Variants in GRIK4 observed in about 807,000 individuals in gnomAD.
GRIK4 encodes glutamate receptor ionotropic, kainate 4.
Under a neutral mutation model 104.9 loss-of-function variants are expected in GRIK4, and 40 were observed. That is an observed-to-expected ratio of 0.38 (90% confidence interval 0.30 to 0.50). The LOEUF (loss-of-function observed/expected upper bound fraction) is 0.50, where lower values mean the gene tolerates loss of function less well. GRIK4 is among the 20% of genes least tolerant of loss of function. The probability of loss-of-function intolerance (pLI) is 0.93; values close to 1 mark genes in which losing one functional copy is unlikely to be tolerated. For synonymous variants in GRIK4, 485 were observed against 524.9 expected, an observed-to-expected ratio of 0.92 and a Z score of 1.04; for missense variants, 1,047 against 1,308.1, an observed-to-expected ratio of 0.80 and a Z score of 3.08.
At chr11:120,815,270 G>A in intron 4 of GRIK4, 108 bp from the exon 5 acceptor site, 2 of 674,716 alleles carry the variant, frequency 3.0e-6, no homozygotes, top group South Asian at 1.7e-5. Context: ...GGCAGCGGGT[G>A]TGCAGAAGGT....
intron 6 of GRIK4, among the ~76,000 whole-genome samples, chr11:120,828,341 A>G (rs76871374): frequency 0.074 from 11,293 of 152,274 alleles, 482 homozygotes; most frequent in African/African-American, 0.11. Context: ...TAAAACCAAG[A>G]CTATCTTTGG....
chr11:120,756,693 A>G (rs1440220756), intron 3 of GRIK4, among the ~76,000 whole-genome samples: 1 of 152,132 alleles, frequency 6.6e-6, no homozygotes, highest in Admixed American at 6.5e-5. Context: ...CCATTGATCT[A>G]TAGGGGACAC....
At chr11:120,772,098 T>C (rs7948804) in intron 3 of GRIK4, among the ~76,000 whole-genome samples, 35,123 of 152,138 alleles carry the variant, frequency 0.23, 5,803 homozygotes, top group African/African-American at 0.47. Context: ...CAGAGCCTTG[T>C]GGGCTCAGCC....
intron 1 of GRIK4, among the ~76,000 whole-genome samples, chr11:120,516,022 G>T (rs1226485965): frequency 6.6e-6 from 1 of 152,094 alleles, no homozygotes; most frequent in Non-Finnish European, 1.5e-5. Context: ...TAGGACCCCA[G>T]CTTCTTCCCC....
At chr11:120,808,527 G>A (rs1011351162) in intron 4 of GRIK4, among the ~76,000 whole-genome samples, 3 of 152,186 alleles carry the variant, frequency 2.0e-5, no homozygotes, top group Non-Finnish European at 4.4e-5. Context: ...GAGGAGAGGC[G>A]ATGGCGGTCT....
At chr11:120,595,996 G>A (rs1169870144) in intron 1 of GRIK4, among the ~76,000 whole-genome samples, 7 of 152,248 alleles carry the variant, frequency 4.6e-5, no homozygotes, top group Non-Finnish European at 5.9e-5. Flanking sequence ...ACAGGCGTGC[G>A]CCACCACGGT....
intron 1 of GRIK4, among the ~76,000 whole-genome samples, chr11:120,529,570 C>G (rs1947901326): frequency 1.3e-5 from 2 of 152,226 alleles, no homozygotes; most frequent in South Asian, 4.1e-4. Context: ...CTTGGATAGT[C>G]ACACATGTAA....
At chr11:120,818,887 A>G (rs1161112634) in intron 5 of GRIK4, among the ~76,000 whole-genome samples, 1 of 152,212 alleles carries the variant, frequency 6.6e-6, no homozygotes, top group Non-Finnish European at 1.5e-5. Flanking sequence ...AGCTCTGGAC[A>G]CCAGGGGTGA....
At chr11:120,699,735 G>A (rs1296600257) in intron 3 of GRIK4, among the ~76,000 whole-genome samples, 1 of 152,238 alleles carries the variant, frequency 6.6e-6, no homozygotes, top group Non-Finnish European at 1.5e-5. Flanking sequence ...AAGGAAATGA[G>A]AGAAGAGCTG....
intron 9 of GRIK4, among the ~76,000 whole-genome samples, chr11:120,866,627 C>T (rs1466317649): frequency 6.6e-6 from 1 of 152,176 alleles, no homozygotes; most frequent in African/African-American, 2.4e-5. Context: ...TCTCTTGGTG[C>T]TGCCGGCGGA....
At chr11:120,828,143 A>G (rs2135557396) in intron 6 of GRIK4, among the ~76,000 whole-genome samples, 1 of 152,278 alleles carries the variant, frequency 6.6e-6, no homozygotes, top group South Asian at 2.1e-4. Context: ...CAGTCTCTAC[A>G]TCAGTCCAAT....
Position 120,549,101 on chromosome 11 carries a change from G to GT in GRIK4, c.-159+37225dup, listed in dbSNP as rs762900665. 0.02 allele frequency among the ~76,000 whole-genome samples: 3,008 copies of GT among 147,042 alleles called. 42 individuals carry two copies. The highest frequency in any genetic ancestry group is 0.033 in the Non-Finnish European group (2,173 of 66,342). On this transcript the variant is annotated intron_variant, in intron 1 of 20. Transcript: ENST00000527524. This position sits in a 1 kb window ranked among gnomAD's most constrained non-coding sequence, Gnocchi z 4.7. ...TCTGAAGGATGCCTGTTTCCTGGCT[G>GT]TTTTTTTTTTTCACTGAGACAGAGT...
intron 1 of GRIK4, among the ~76,000 whole-genome samples, chr11:120,599,873 A>G (rs1948859413): frequency 6.6e-6 from 1 of 152,140 alleles, no homozygotes; most frequent in Admixed American, 6.5e-5. Context: ...GCACAAGGGA[A>G]CCCCTGCCCC....
rs1181501546 is a variant in GRIK4, at chr11:120,741,281, T to C, written c.83-61412T>C. On this transcript the variant is annotated intron_variant, in intron 3 of 20. Transcript: ENST00000527524. The stretch of plus-strand genomic sequence containing the variant: ...AGAACAGGCCGTGTGCTTTCTTTTT[T>C]TTTTTTTTTTTTTTTTTGAGACGGA... Among the ~76,000 whole-genome samples the C allele has an allele frequency of 2.1e-5, 3 of 140,130 alleles. 1 individual carries two copies. In the East Asian group the frequency reaches 6.0e-4, roughly 28 times the overall value. 91.9% of individuals were successfully genotyped at this position (140,130 alleles called of 152,430 possible).
chr11:120,896,484 C>T (rs1396347929), intron 11 of GRIK4, among the ~76,000 whole-genome samples: 1 of 152,208 alleles, frequency 6.6e-6, no homozygotes. Context: ...TCTTGCAGGG[C>T]GTGGACGGGA....
chr11:120,517,330 G>A (rs1947741349), intron 1 of GRIK4, among the ~76,000 whole-genome samples: 1 of 149,334 alleles, frequency 6.7e-6, no homozygotes, highest in South Asian at 2.1e-4. Flanking sequence ...GGGCTGTGTG[G>A]CCTTAGGCTT....
chr11:120,532,204 C>T (rs906994740), intron 1 of GRIK4, among the ~76,000 whole-genome samples: 6 of 152,152 alleles, frequency 3.9e-5, no homozygotes, highest in Non-Finnish European at 8.8e-5. Context: ...GGTTGCTCCT[C>T]CCTAGCCCCC....
chr11:120,636,972 C>T (rs537139004), intron 1 of GRIK4, among the ~76,000 whole-genome samples: 1 of 152,182 alleles, frequency 6.6e-6, no homozygotes, highest in Non-Finnish European at 1.5e-5. Context: ...GGGTGCCCCC[C>T]AGTGATAAGC....
At chr11:120,762,863 A>T (rs971526574) in intron 3 of GRIK4, among the ~76,000 whole-genome samples, 1 of 152,064 alleles carries the variant, frequency 6.6e-6, no homozygotes, top group Admixed American at 6.6e-5. Flanking sequence ...AGGATTTTTG[A>T]ATCGATGTTC....
Sources: allele counts gnomAD v4.1 joint callset (sites outside exome capture counted in the v4.1 genomes callset), GRCh38; gene constraint gnomAD v4.1.1; non-coding constraint Gnocchi (gnomAD v3.1); transcripts MANE v1.5; gene names NCBI Gene and HGNC (gene_info 2026-07-23, HGNC 2026-07-21).